The following PSKH1 variants were observed in gnomAD, a reference collection of about 807,000 sequenced individuals.
The protein encoded by PSKH1 is serine/threonine-protein kinase H1.
Under a neutral mutation model 26.7 loss-of-function variants are expected in PSKH1, and 12 were observed. That is an observed-to-expected ratio of 0.45 (90% confidence interval 0.29 to 0.73). PSKH1 has a LOEUF of 0.73. PSKH1 is among the 30% of genes least tolerant of loss of function. PSKH1 has a pLI of 0.11. For missense variants in PSKH1, 431 were observed against 595.2 expected (o/e 0.72, Z 2.87); for synonymous variants, 213 against 234.3 (o/e 0.91, Z 0.83).
intron 2 of PSKH1, among the ~76,000 whole-genome samples, chr16:67,913,059 C>T (rs2058177674): frequency 6.6e-6 from 1 of 151,894 alleles, no homozygotes; most frequent in South Asian, 2.1e-4. Context: ...TGGGCACATG[C>T]CTGTAGTCCC....
chr16:67,893,302 G>GGCGGCC lies in PSKH1; in HGVS notation c.-138_-137insGGCCGC, dbSNP rs1555497979. 1.2e-5 allele frequency: 2 copies of GGCGGCC among 164,162 alleles called. No homozygotes were observed. Among genetic ancestry groups the GGCGGCC allele is most frequent in the Admixed American group, 6.4e-5 (1 of 15,520 alleles). 10.2% of individuals were successfully genotyped at this position (164,162 alleles called of 1,614,324 possible). A position where few individuals can be genotyped will look rare whatever the true frequency, so the allele number is the denominator to read the frequency against. ...TGGCGGCGGCGGCGGCGGCGGCGGC[G>GGCGGCC]GCCGCTGCCATTGCCCGGAGATGGC... On this transcript the variant is annotated 5_prime_UTR_variant, in exon 1 of 3. Transcript: ENST00000291041.
In PSKH1 at chr16:67,893,277, TGGCGGCGGCGGCGGCGGC is replaced by T. The variant is rs527336120; in HGVS notation, c.-155_-138del. ...ACGCCACGACGCTAACGCCCGAGAATGGCGGCGGCGGCGGCGGCGGCGGCGGCCGCTGCCATTGCCCGG... is the reference window on the plus strand; with the variant it reads ...ACGCCACGACGCTAACGCCCGAGAATGGCGGCGGCCGCTGCCATTGCCCGG... On this transcript the variant is annotated 5_prime_UTR_variant, in exon 1 of 3. Transcript: ENST00000291041. 4 of 158,744 alleles carry T rather than the reference TGGCGGCGGCGGCGGCGGC, an allele frequency of 2.5e-5. No individual in the cohort carries two copies. The highest frequency in any genetic ancestry group is 3.4e-4 in the South Asian group (2 of 5,836). The allele number at this position is 158,744 out of a possible 1,614,324, so 9.8% of individuals were successfully genotyped here.
At chr16:67,924,136 C>G (rs2058210149) in intron 2 of PSKH1, among the ~76,000 whole-genome samples, 1 of 152,208 alleles carries the variant, frequency 6.6e-6, no homozygotes, top group Non-Finnish European at 1.5e-5. Flanking sequence ...AAGGGTTAGG[C>G]TGGGGACCAG....
intron 1 of PSKH1, among the ~76,000 whole-genome samples, chr16:67,896,083 G>A (rs184897703): frequency 6.6e-6 from 1 of 151,902 alleles, no homozygotes; most frequent in East Asian, 1.9e-4. Context: ...AGTTTCCCTT[G>A]TCAAAAGAAG....
intron 1 of PSKH1, among the ~76,000 whole-genome samples, chr16:67,905,086 A>G (rs575715158): frequency 2.0e-5 from 3 of 152,146 alleles, no homozygotes; most frequent in Non-Finnish European, 4.4e-5. Flanking sequence ...TCGGCCTCCC[A>G]AAGTGCTGGG....
chr16:67,908,698 C>T lies in PSKH1; in HGVS notation c.-52C>T, dbSNP rs1041940282. ...TGTGTAGGTGTAGACGGGGCACTGC[C>T]TTCAGAGCAGGTCCTGCCAGCCTCG... On this transcript the variant is annotated 5_prime_UTR_variant, in exon 2 of 3. Coordinates refer to ENST00000291041, the MANE Select transcript of PSKH1 (RefSeq NM_006742.3). 1.3e-6 allele frequency: 2 copies of T among 1,494,454 alleles called. No homozygotes were observed. Among genetic ancestry groups the T allele is most frequent in the African/African-American group, 1.4e-5 (1 of 72,002 alleles). 92.6% of individuals were successfully genotyped at this position (1,494,454 alleles called of 1,614,324 possible).
chr16:67,925,267 C>A (rs1598194494), intron 2 of PSKH1, among the ~76,000 whole-genome samples: 1 of 151,668 alleles, frequency 6.6e-6, no homozygotes, highest in Non-Finnish European at 1.5e-5. Flanking sequence ...GCGATCTTGG[C>A]TCACTGCAAC....
rs2058117424 is a variant in PSKH1, at chr16:67,893,476, GC to G, written c.-71+106del. The G allele has an allele frequency of 2.0e-5, 3 of 152,328 alleles. No homozygotes were observed. In the South Asian group the frequency reaches 6.2e-4, roughly 31 times the overall value. The allele number at this position is 152,328 out of a possible 1,614,324, so 9.4% of individuals were successfully genotyped here. A position where few individuals can be genotyped will look rare whatever the true frequency, so the allele number is the denominator to read the frequency against. On this transcript the variant is annotated intron_variant, in intron 1 of 2. Transcript: ENST00000291041. The stretch of plus-strand genomic sequence containing the variant: ...TCCGGGGCCTGCCCCTGGTCAGCCT[GC>G]AGCGTCGGCCCGTGCCCCGTGCGCC...
At position 67,928,080 on chromosome 16, in the gene PSKH1, C is replaced by T. The variant is rs541902846; in HGVS notation, c.*438C>T. Reference sequence around the variant, plus strand: ...CCCCTTTCCTCCACAGAGCCCTTCTCCCTGGTTTCACACATTCCCATGCAT... The same window carrying T: ...CCCCTTTCCTCCACAGAGCCCTTCTTCCTGGTTTCACACATTCCCATGCAT... On this transcript the variant is annotated 3_prime_UTR_variant, in exon 3 of 3. Transcript: ENST00000291041. The surrounding 1 kb of genome is among the most constrained non-coding windows in gnomAD (Gnocchi z 4.8). The T allele has an allele frequency of 3.2e-4, 54 of 167,574 alleles. 1 individual carries two copies. The South Asian group carries it at 6.7e-3, about 21-fold the overall frequency. 10.4% of individuals were successfully genotyped at this position (167,574 alleles called of 1,614,324 possible).
chr16:67,910,704 C>T (rs991179589), intron 2 of PSKH1, among the ~76,000 whole-genome samples: 4 of 152,174 alleles, frequency 2.6e-5, no homozygotes, highest in African/African-American at 7.2e-5. Flanking sequence ...GGTTTCGCGA[C>T]GTTGGCCAGC....
chr16:67,910,011 A>C, intron 2 of PSKH1: 1 of 499,644 alleles, frequency 2.0e-6, no homozygotes, highest in Non-Finnish European at 3.5e-6. Flanking sequence ...ATGGACTGCC[A>C]CTGTGGGCCA....
intron 1 of PSKH1, among the ~76,000 whole-genome samples, chr16:67,907,872 A>G (rs1349366617): frequency 1.3e-5 from 2 of 152,176 alleles, no homozygotes; most frequent in Non-Finnish European, 2.9e-5. Context: ...GGGCTGGGAA[A>G]GATATGCATG....
At position 67,927,633 on chromosome 16, in the gene PSKH1, C is replaced by T. The variant is rs986396947; in HGVS notation, c.1266C>T (p.Tyr422=). The change falls in exon 3 of 3, where the codon TAC becomes TAT. Residue 422 remains tyrosine (Y), a synonymous_variant. Coordinates refer to ENST00000291041, the MANE Select transcript of PSKH1 (RefSeq NM_006742.3). This position sits in a 1 kb window ranked among gnomAD's most constrained non-coding sequence, Gnocchi z 5.5. The part of the protein sequence containing the change: ...RELNLRYQQQ[Y]NG ...TCAACCTGCGCTACCAGCAGCAATA[C>T]AATGGCTGAGCCGCCTGGCTGTGCA... 2 of 1,603,276 alleles carry T rather than the reference C, an allele frequency of 1.2e-6. No individual in the cohort carries two copies. Among genetic ancestry groups the T allele is most frequent in the Admixed American group, 1.7e-5 (1 of 59,930 alleles).
chr16:67,898,404 C>CA lies in PSKH1; in HGVS notation c.-71+5041dup, dbSNP rs1301902217. Among the ~76,000 whole-genome samples, 6 of 148,464 alleles carry CA rather than the reference C, an allele frequency of 4.0e-5. No homozygotes were observed. In the South Asian group the frequency reaches 8.6e-4, roughly 21 times the overall value. Reference sequence around the variant, plus strand: ...TGGGTGACAGAGTGAGACCCTGTCTCAAAAAAAAGAAAAAACTTTTTTTTT... The same window carrying CA: ...TGGGTGACAGAGTGAGACCCTGTCTCAAAAAAAAAGAAAAAACTTTTTTTTT... On this transcript the variant is annotated intron_variant, in intron 1 of 2. Transcript: ENST00000291041.
chr16:67,900,510 C>G (rs979278808), intron 1 of PSKH1, among the ~76,000 whole-genome samples: 1 of 152,152 alleles, frequency 6.6e-6, no homozygotes, highest in African/African-American at 2.4e-5. Context: ...AGGATCAAGG[C>G]CTTGACTGGA....
chr16:67,914,238 C>T (rs1344718375), intron 2 of PSKH1, among the ~76,000 whole-genome samples: 3 of 152,194 alleles, frequency 2.0e-5, no homozygotes, highest in African/African-American at 4.8e-5. Context: ...CAACCTACGC[C>T]TCCTGGGTTC....
At chr16:67,900,524 G>A (rs1330528012) in intron 1 of PSKH1, among the ~76,000 whole-genome samples, 1 of 152,190 alleles carries the variant, frequency 6.6e-6, no homozygotes, top group Non-Finnish European at 1.5e-5. Context: ...GACTGGATGA[G>A]GCCCAGCACT....
chr16:67,900,348 G>T (rs1290171114), intron 1 of PSKH1, among the ~76,000 whole-genome samples: 1 of 152,134 alleles, frequency 6.6e-6, no homozygotes, highest in Non-Finnish European at 1.5e-5. Context: ...TTCCCTCAAG[G>T]GTCTGACAGC....
rs1410057570 is a variant in PSKH1, at chr16:67,909,566, C to A, written c.817C>A (p.Pro273Thr). The part of the protein sequence containing the change: ...YIAPEVLVRK[P>T]YTNSVDMWAL... ...TGCCCCAGAAGTCCTGGTCCGCAAG[C>A]CATACACCAACTCAGTGGACATGTG... The change falls in exon 2 of 3, where the codon CCA (proline) becomes ACA (threonine). Residue 273 changes from proline (P) to threonine (T), a missense_variant. By Grantham distance (38) the Pro-to-Thr change is conservative. Coordinates refer to ENST00000291041, the MANE Select transcript of PSKH1 (RefSeq NM_006742.3). The surrounding 1 kb of genome is among the most constrained non-coding windows in gnomAD (Gnocchi z 7.8). 1 of 1,614,048 alleles carries A rather than the reference C, an allele frequency of 6.2e-7. No homozygotes were observed. The highest frequency in any genetic ancestry group is 8.5e-7 in the Non-Finnish European group (1 of 1,180,044).
Sources: gnomAD v4.1 joint callset for allele counts (sites outside exome capture counted in the v4.1 genomes callset) on GRCh38, gnomAD v4.1.1 for gene constraint, Gnocchi (gnomAD v3.1) non-coding constraint, MANE v1.5 for transcripts, NCBI Gene and HGNC (gene_info 2026-07-23, HGNC 2026-07-21) for gene names.